MAP2K2: variants seen among roughly 807,000 people sequenced by gnomAD.
MAP2K2 encodes the protein mitogen-activated protein kinase kinase 2.
A neutral mutation model predicts 43.7 loss-of-function variants in MAP2K2; 24 were observed. That is an observed-to-expected ratio of 0.55 (90% confidence interval 0.40 to 0.77). The LOEUF is 0.77. Ranked by LOEUF, MAP2K2 falls within the 30% of genes least tolerant of loss-of-function variation. The probability of loss-of-function intolerance (pLI) is 0.00; values close to 1 mark genes in which losing one functional copy is unlikely to be tolerated. For missense variants in MAP2K2, 470 were observed against 566.8 expected (o/e 0.83, Z 1.73); for synonymous variants, 244 against 239.7 (o/e 1.02, Z -0.17).
intron 3 of MAP2K2, among the ~76,000 whole-genome samples, chr19:4,106,021 G>C (rs1204150366): frequency 2.6e-5 from 4 of 152,182 alleles, no homozygotes; most frequent in Admixed American, 2.6e-4. Context: ...AGGCTGTAGA[G>C]CAGTGGCTCA....
intron 2 of MAP2K2, among the ~76,000 whole-genome samples, chr19:4,112,348 T>C (rs1225305920): frequency 2.0e-5 from 3 of 151,556 alleles, no homozygotes; most frequent in East Asian, 1.9e-4. Flanking sequence ...AACAAGGAGG[T>C]GACACTGGGG....
At chr19:4,120,468 C>T (rs1043151938) in intron 1 of MAP2K2, among the ~76,000 whole-genome samples, 3 of 152,164 alleles carry the variant, frequency 2.0e-5, no homozygotes, top group African/African-American at 4.8e-5. Flanking sequence ...TGTGCATCAC[C>T]GCGCTCAGCT....
At chr19:4,093,432 T>G (rs976092853) in intron 10 of MAP2K2, among the ~76,000 whole-genome samples, 13 of 152,034 alleles carry the variant, frequency 8.6e-5, no homozygotes, top group African/African-American at 3.1e-4. Context: ...GGCTCACATC[T>G]GTAATCTCTG....
chr19:4,100,932 G>A (rs1158554596), intron 6 of MAP2K2, 87 bp downstream of exon 6: 1 of 1,472,990 alleles, frequency 6.8e-7, no homozygotes, highest in Non-Finnish European at 9.2e-7. Context: ...AGCTGAGGGG[G>A]AGAGCTGGCT....
At chr19:4,106,398 A>G (rs1352766990) in intron 3 of MAP2K2, among the ~76,000 whole-genome samples, 2 of 152,146 alleles carry the variant, frequency 1.3e-5, no homozygotes, top group South Asian at 2.1e-4. Flanking sequence ...GAATGGGCCA[A>G]TGCTATGTTT....
At chr19:4,111,364 T>C (rs754511221) in intron 2 of MAP2K2, among the ~76,000 whole-genome samples, 7 of 152,174 alleles carry the variant, frequency 4.6e-5, no homozygotes, top group Non-Finnish European at 7.3e-5. Context: ...GTGGGAGCTG[T>C]GTGAAAGCAT....
intron 3 of MAP2K2, among the ~76,000 whole-genome samples, chr19:4,104,368 C>G (rs906926762): frequency 2.7e-5 from 4 of 150,378 alleles, no homozygotes; most frequent in African/African-American, 9.8e-5. Flanking sequence ...GAGTTTGAGA[C>G]CATCCCGAGC....
At chr19:4,097,701 G>A (rs1233734641) in intron 7 of MAP2K2, among the ~76,000 whole-genome samples, 1 of 152,222 alleles carries the variant, frequency 6.6e-6, no homozygotes, top group Admixed American at 6.5e-5. Context: ...GGCAAGGACA[G>A]CCGCGTGACC....
chr19:4,115,336 C>T lies in MAP2K2; in HGVS notation c.303+2083G>A, dbSNP rs988893370. On this transcript the variant is annotated intron_variant, in intron 2 of 10. Transcript: ENST00000262948. This position sits in a 1 kb window ranked among gnomAD's most constrained non-coding sequence, Gnocchi z 4.1. Reference sequence around the variant, plus strand: ...CTGCAGGTGGGCCCGGCTTCACCTGCGCCTGTCAGCAGGAGCAGGAGCTGC... The same window carrying T: ...CTGCAGGTGGGCCCGGCTTCACCTGTGCCTGTCAGCAGGAGCAGGAGCTGC... Among the ~76,000 whole-genome samples the T allele has an allele frequency of 6.6e-6, 1 of 152,164 alleles. No individual in the cohort carries two copies. Among genetic ancestry groups the T allele is most frequent in the African/African-American group, 2.4e-5 (1 of 41,438 alleles).
chr19:4,100,986 G>A, intron 6 of MAP2K2, 33 bp downstream of exon 6: 2 of 1,551,274 alleles, frequency 1.3e-6, no homozygotes, highest in South Asian at 1.2e-5. Flanking sequence ...CAGCAGGGAG[G>A]AGAGCTGGAG....
chr19:4,102,533 AG>A lies in MAP2K2; in HGVS notation c.451-81del, dbSNP rs2041029532. ...CGGATGCGTCCCCCCACTCCCGGCG[AG>A]GGGGTGGTCTGCCTCCTGACGGGAA... On this transcript the variant is annotated intron_variant, in intron 3 of 10. Transcript: ENST00000262948. 6.1e-6 allele frequency: 7 copies of A among 1,140,686 alleles called. No homozygotes were observed. In the South Asian group the frequency reaches 7.9e-5, roughly 13 times the overall value. The allele number at this position is 1,140,686 out of a possible 1,614,324, so 70.7% of individuals were successfully genotyped here.
At chr19:4,095,354 C>T (rs561722470) in intron 9 of MAP2K2, 34 bp downstream of exon 9, 168 of 1,545,768 alleles carry the variant, frequency 1.1e-4, no homozygotes, top group Non-Finnish European at 1.3e-4. Context: ...ATCTGGGTCC[C>T]GGCCAGGGGT....
At chr19:4,109,190 G>A (rs1379209984) in intron 3 of MAP2K2, among the ~76,000 whole-genome samples, 2 of 152,170 alleles carry the variant, frequency 1.3e-5, no homozygotes, top group Non-Finnish European at 2.9e-5. Context: ...GGTGTGGCGG[G>A]GTCGGCAGCA....
chr19:4,095,300 AGGCTG>A, intron 9 of MAP2K2, 83 bp downstream of exon 9: 1 of 1,178,832 alleles, frequency 8.5e-7, no homozygotes, highest in East Asian at 2.6e-5. Context: ...CTGGATGGGC[AGGCTG>A]GGCCACGGGC....
chr19:4,118,865 T>A (rs1401433725), intron 1 of MAP2K2, among the ~76,000 whole-genome samples: 1 of 152,210 alleles, frequency 6.6e-6, no homozygotes, highest in Admixed American at 6.5e-5. Flanking sequence ...CAGAGGAAAT[T>A]TCGACAGTAA....
rs535838288 is a variant in MAP2K2, at chr19:4,122,491, G to A, written c.92+1293C>T. 1.1e-3 allele frequency among the ~76,000 whole-genome samples: 85 copies of A among 76,640 alleles called. 1 individual carries two copies. The highest frequency in any genetic ancestry group is 4.6e-3 in the African/African-American group (82 of 17,904). 50.3% of individuals were successfully genotyped at this position (76,640 alleles called of 152,430 possible). On this transcript the variant is annotated intron_variant, in intron 1 of 10. Coordinates refer to ENST00000262948, the MANE Select transcript of MAP2K2 (RefSeq NM_030662.4). ...ACCCCATCTCTCCCCCAAGGGACTC[G>A]CTTCACTATCATTTCAATATGCAGA...
At chr19:4,100,429 C>CGAAAAAAA (rs2040987864) in intron 6 of MAP2K2, 1 of 53,848 alleles carries the variant, frequency 1.9e-5, no homozygotes, top group African/African-American at 8.2e-5. Flanking sequence ...GACTCTGTCT[C>CGAAAAAAA]AAAAAAAAAA....
Position 4,101,348 on chromosome 19 carries a change from G to GGTCAGAGCTGAGCA in MAP2K2, c.529-82_529-69dup. On this transcript the variant is annotated intron_variant, in intron 4 of 10. Transcript: ENST00000262948. The surrounding 1 kb of genome is among the most constrained non-coding windows in gnomAD (Gnocchi z 6.3). ...GGCTTAGCTCCTGACCGAGCCCGGG[G>GGTCAGAGCTGAGCA]GTCAGAGCTGAGCAGTCAGAGCTGG... is the stretch of plus-strand genomic sequence containing the variant. The GGTCAGAGCTGAGCA allele has an allele frequency of 6.6e-7, 1 of 1,512,296 alleles. No homozygotes were observed. The highest frequency in any genetic ancestry group is 1.2e-5 in the South Asian group (1 of 83,350). 93.7% of individuals were successfully genotyped at this position (1,512,296 alleles called of 1,614,324 possible).
chr19:4,099,296 A>G lies in MAP2K2; in HGVS notation c.824T>C (p.Leu275Pro), dbSNP rs1187171129. Residue 275 changes from leucine to proline, a missense_variant, in exon 7 of 11, where the codon CTG (leucine) becomes CCG (proline). Around this residue, in one of 3 missense-constraint regions of MAP2K2, gnomAD observed 212 missense variants for 220.8 expected, o/e 0.96. Coordinates refer to ENST00000262948, the MANE Select transcript of MAP2K2 (RefSeq NM_030662.4). ...YPIPPPDAKELEAIFGRPVVD... is the reference protein window; with the variant it reads ...YPIPPPDAKEPEAIFGRPVVD... ...CACGGGCCGGCCAAAGATGGCCTCC[A>G]GCTCTTTGGCGTCGGGCGGGGGGAT... 2.5e-6 allele frequency: 4 copies of G among 1,607,658 alleles called. No individual in the cohort carries two copies. The highest frequency in any genetic ancestry group is 2.2e-5 in the South Asian group (2 of 90,202).
Sources: allele counts gnomAD v4.1 joint callset (sites outside exome capture counted in the v4.1 genomes callset), GRCh38; gene constraint gnomAD v4.1.1; regional missense constraint gnomAD v4.1.1; non-coding constraint Gnocchi (gnomAD v3.1); transcripts MANE v1.5; gene names NCBI Gene and HGNC (gene_info 2026-07-23, HGNC 2026-07-21).